The following ME1 variants were observed in gnomAD, a reference collection of about 807,000 sequenced individuals.
ME1 encodes the protein malic enzyme 1.
A neutral mutation model predicts 66.4 loss-of-function variants in ME1; 74 were observed. The observed-to-expected ratio is 1.11, with a 90% CI of 0.92 to 1.35. The LOEUF is 1.35. ME1 is among the 40% of genes most tolerant of loss of function. The pLI, the probability that ME1 is intolerant of heterozygous loss-of-function variation, is 0.00. For synonymous variants in ME1, 251 were observed against 235.6 expected, an observed-to-expected ratio of 1.07 and a Z score of -0.60; for missense variants, 750 against 694.1, an observed-to-expected ratio of 1.08 and a Z score of -0.90.
chr6:83,429,562 G>T (rs994231912), intron 1 of ME1, among the ~76,000 whole-genome samples: 72 of 151,852 alleles, frequency 4.7e-4, no homozygotes, highest in African/African-American at 1.7e-3. Flanking sequence ...TAAAAGAAAA[G>T]AAAAAACAAT....
chr6:83,423,878 G>A (rs536888556), intron 1 of ME1, among the ~76,000 whole-genome samples: 1 of 152,262 alleles, frequency 6.6e-6, no homozygotes, highest in South Asian at 2.1e-4. Context: ...GAAGGCCACA[G>A]TGGGAGGATT....
intron 13 of ME1, among the ~76,000 whole-genome samples, chr6:83,214,114 C>T (rs531420598): frequency 1.4e-3 from 218 of 152,264 alleles, no homozygotes; most frequent in Non-Finnish European, 2.3e-3. Flanking sequence ...TTACCACATT[C>T]AGTTTTAGAA....
At chr6:83,270,120 G>A (rs1428765108) in intron 6 of ME1, among the ~76,000 whole-genome samples, 2 of 152,012 alleles carry the variant, frequency 1.3e-5, no homozygotes, top group East Asian at 3.9e-4. Context: ...AGCAAGGGGT[G>A]GGGTGACCTG....
chr6:83,334,198 G>A (rs1262090849), intron 5 of ME1, among the ~76,000 whole-genome samples: 1 of 150,746 alleles, frequency 6.6e-6, no homozygotes, highest in Non-Finnish European at 1.5e-5. Flanking sequence ...TCAAAGAAAG[G>A]GGTGACGGAC....
chr6:83,287,782 C>T (rs1042679294), intron 6 of ME1, among the ~76,000 whole-genome samples: 2 of 152,242 alleles, frequency 1.3e-5, no homozygotes, highest in Non-Finnish European at 2.9e-5. Flanking sequence ...AGTGTAAAAG[C>T]ATTCCTATTT....
chr6:83,392,522 C>G (rs1410199048), intron 3 of ME1: 10 of 537,640 alleles, frequency 1.9e-5, no homozygotes. Flanking sequence ...ATCAATGACC[C>G]CTTCATTGAC....
chr6:83,240,417 A>G (rs1006586904), intron 7 of ME1, among the ~76,000 whole-genome samples: 5 of 152,104 alleles, frequency 3.3e-5, no homozygotes, highest in Non-Finnish European at 5.9e-5. Context: ...GATAAAAATT[A>G]TATTTTCCTC....
intron 1 of ME1, among the ~76,000 whole-genome samples, chr6:83,418,199 C>T (rs1292663360): frequency 6.6e-6 from 1 of 152,094 alleles, no homozygotes; most frequent in Non-Finnish European, 1.5e-5. Flanking sequence ...AGAAACTGAA[C>T]CTTTATATAT....
intron 9 of ME1, among the ~76,000 whole-genome samples, chr6:83,232,357 T>C (rs1305344191): frequency 6.6e-6 from 1 of 152,198 alleles, no homozygotes; most frequent in Non-Finnish European, 1.5e-5. Context: ...CAGAGCTGTG[T>C]TTCATCATCT....
rs1417946830 is a variant in ME1 at position 83,216,572 on chromosome 6, T to C, written c.1474A>G (p.Lys492Glu). ...AEVIAQQVSD[K>E]HLEEGRLYPP... ...TAAAGCCGACCCTCTTCCAAGTGTT[T>C]ATCTGACACTTGCTGAGCTATAACC... Residue 492 changes from lysine to glutamate, a missense_variant, in exon 13 of 14, where the codon AAA becomes GAA. Coordinates refer to ENST00000369705, the MANE Select transcript of ME1 (RefSeq NM_002395.6). 4 of 1,609,050 alleles carry C rather than the reference T, an allele frequency of 2.5e-6. No homozygotes were observed. In the Admixed American group the frequency reaches 6.7e-5, roughly 27 times the overall value.
intron 1 of ME1, among the ~76,000 whole-genome samples, chr6:83,409,180 G>A (rs1173943834): frequency 1.3e-5 from 2 of 152,160 alleles, no homozygotes; most frequent in African/African-American, 4.8e-5. Context: ...CTCCAGAGCT[G>A]TAAGAAATAA....
chr6:83,236,762 T>C (rs1411081323), intron 9 of ME1, among the ~76,000 whole-genome samples: 3 of 152,180 alleles, frequency 2.0e-5, no homozygotes, highest in African/African-American at 4.8e-5. Context: ...AAGAATTTGG[T>C]TGAGAGGAAG....
intron 3 of ME1, among the ~76,000 whole-genome samples, chr6:83,360,564 G>A (rs1007873565): frequency 6.6e-6 from 1 of 152,180 alleles, no homozygotes; most frequent in South Asian, 2.1e-4. Flanking sequence ...CTCCCTGACT[G>A]GTAGGGTGAG....
chr6:83,234,428 T>G (rs1180236), intron 9 of ME1, among the ~76,000 whole-genome samples: 67,741 of 151,812 alleles, frequency 0.45, 15,680 homozygotes, highest in African/African-American at 0.56. Context: ...GTCTCCACAA[T>G]CACCTTAAAC....
chr6:83,312,199 C>A (rs1270133763), intron 6 of ME1, among the ~76,000 whole-genome samples: 1 of 152,172 alleles, frequency 6.6e-6, no homozygotes, highest in Non-Finnish European at 1.5e-5. Flanking sequence ...TGTCTGAGAA[C>A]TAATGAGCAC....
intron 7 of ME1, among the ~76,000 whole-genome samples, chr6:83,249,392 A>G (rs1284703478): frequency 6.6e-6 from 1 of 151,882 alleles, no homozygotes; most frequent in African/African-American, 2.4e-5. Context: ...ATGCTGGGCT[A>G]ATTTTTGTAT....
intron 1 of ME1, among the ~76,000 whole-genome samples, chr6:83,429,783 C>A (rs1367154159): frequency 1.3e-5 from 2 of 152,088 alleles, no homozygotes; most frequent in Non-Finnish European, 1.5e-5. Flanking sequence ...TCATCAGGAA[C>A]ACGACAAGGA....
chr6:83,415,344 C>A (rs1458668487), intron 1 of ME1, among the ~76,000 whole-genome samples: 1 of 152,254 alleles, frequency 6.6e-6, no homozygotes, highest in African/African-American at 2.4e-5. Context: ...GAATAATGAT[C>A]TCCTTCAAGG....
At chr6:83,369,180 A>G (rs1312087519) in intron 3 of ME1, among the ~76,000 whole-genome samples, 3 of 152,114 alleles carry the variant, frequency 2.0e-5, no homozygotes, top group African/African-American at 7.2e-5. Context: ...GGGTCATTAC[A>G]TGAAGAATAG....
Sources: allele counts gnomAD v4.1 joint callset (sites outside exome capture counted in the v4.1 genomes callset), GRCh38; gene constraint gnomAD v4.1.1; transcripts MANE v1.5; gene names NCBI Gene and HGNC (gene_info 2026-07-23, HGNC 2026-07-21).